Variants in HECW2 observed in about 807,000 individuals in gnomAD.
HECW2 encodes HECT, C2 and WW domain containing E3 ubiquitin protein ligase 2, also known as E3 ubiquitin-protein ligase HECW2.
A neutral mutation model predicts 175.2 loss-of-function variants in HECW2; 61 were observed. The ratio of observed to expected loss-of-function variants is 0.35; its 90% CI spans 0.28 to 0.43. HECW2 has a LOEUF of 0.43. Ranked by LOEUF, HECW2 falls within the 20% of genes least tolerant of loss-of-function variation. The probability of loss-of-function intolerance (pLI) is 1.00; values close to 1 mark genes in which losing one functional copy is unlikely to be tolerated. For synonymous variants in HECW2, 671 were observed against 731.0 expected (o/e 0.92, Z 1.32); for missense variants, 1,524 against 2,000.5 (o/e 0.76, Z 4.54).
At chr2:196,402,803 A>ATTTTTT (rs369586280) in intron 2 of HECW2, among the ~76,000 whole-genome samples, 2 of 123,620 alleles carry the variant, frequency 1.6e-5, no homozygotes, top group South Asian at 2.6e-4. Context: ...TGCCTTGGGA[A>ATTTTTT]TTTTTTTTTT....
At chr2:196,430,781 G>A (rs1489465448) in intron 2 of HECW2, among the ~76,000 whole-genome samples, 1 of 151,964 alleles carries the variant, frequency 6.6e-6, no homozygotes, top group African/African-American at 2.4e-5. Context: ...ATGAACGAGA[G>A]CCTCGGGGCC....
At chr2:196,322,934 C>G (rs1320428138) in intron 6 of HECW2, among the ~76,000 whole-genome samples, 1 of 152,192 alleles carries the variant, frequency 6.6e-6, no homozygotes, top group Non-Finnish European at 1.5e-5. Context: ...TTTTAGTACT[C>G]CCTACATTTA....
At chr2:196,575,162 G>A (rs1690520452) in intron 1 of HECW2, among the ~76,000 whole-genome samples, 1 of 145,856 alleles carries the variant, frequency 6.9e-6, no homozygotes, top group Non-Finnish European at 1.5e-5. Flanking sequence ...GCCAACGTAT[G>A]TATGAAAAAA....
intron 2 of HECW2, among the ~76,000 whole-genome samples, chr2:196,405,771 A>G (rs1267167066): frequency 6.6e-6 from 1 of 151,998 alleles, no homozygotes; most frequent in African/African-American, 2.4e-5. Flanking sequence ...CTTCACAGCA[A>G]ACTTCTTAAG....
chr2:196,593,065 G>T (rs1189718677), intron 1 of HECW2, among the ~76,000 whole-genome samples: 1 of 151,352 alleles, frequency 6.6e-6, no homozygotes, highest in African/African-American at 2.4e-5. Context: ...GCCCCTCAGC[G>T]GCTCTTCCCG....
At chr2:196,537,406 C>T (rs1049753406) in intron 1 of HECW2, among the ~76,000 whole-genome samples, 2 of 152,066 alleles carry the variant, frequency 1.3e-5, no homozygotes, top group African/African-American at 2.4e-5. Context: ...ACATTCAAAA[C>T]GTTTCCAATT....
chr2:196,363,549 G>GA (rs1164712681), intron 2 of HECW2, among the ~76,000 whole-genome samples: 1 of 152,192 alleles, frequency 6.6e-6, no homozygotes. Context: ...AATAAATCTA[G>GA]GCCAGGAACC....
At chr2:196,576,929 A>T (rs1005328942) in intron 1 of HECW2, among the ~76,000 whole-genome samples, 4 of 152,214 alleles carry the variant, frequency 2.6e-5, no homozygotes, top group Admixed American at 6.5e-5. Context: ...TCATCAGTCA[A>T]TCCAGTTTTC....
intron 1 of HECW2, among the ~76,000 whole-genome samples, chr2:196,578,066 T>C (rs142138420): frequency 8.5e-5 from 13 of 152,268 alleles, no homozygotes; most frequent in Non-Finnish European, 1.5e-4. Context: ...AGACTTTACA[T>C]AGGCTATGTA....
intron 1 of HECW2, among the ~76,000 whole-genome samples, chr2:196,520,393 T>C (rs968419708): frequency 2.0e-5 from 3 of 152,152 alleles, no homozygotes; most frequent in African/African-American, 7.2e-5. Context: ...CAACCCTACG[T>C]AGTTAACAAA....
At chr2:196,523,383 A>G (rs550038218) in intron 1 of HECW2, among the ~76,000 whole-genome samples, 1,935 of 151,906 alleles carry the variant, frequency 0.013, 42 homozygotes, top group African/African-American at 0.044. Context: ...GGGCTGAGAC[A>G]ATGGGGTTTT....
rs532306847 is a variant in HECW2 at position 196,521,668 on chromosome 2, T to C, written c.-36+71840A>G. On this transcript the variant is annotated intron_variant, in intron 1 of 28. Coordinates refer to ENST00000644978, the MANE Select transcript of HECW2 (RefSeq NM_001348768.2). Reference sequence around the variant, plus strand: ...CCACCACAGTCCCCAGAGTTTGATATTCCCCTTCCTGTGTCCATGTGATCT... The same window carrying C: ...CCACCACAGTCCCCAGAGTTTGATACTCCCCTTCCTGTGTCCATGTGATCT... 2.2e-5 allele frequency among the ~76,000 whole-genome samples: 3 copies of C among 136,540 alleles called. No homozygotes were observed. In the South Asian group the frequency reaches 7.6e-4, roughly 35 times the overall value. 89.6% of individuals were successfully genotyped at this position (136,540 alleles called of 152,430 possible).
chr2:196,481,680 T>C (rs1032903973), intron 1 of HECW2, among the ~76,000 whole-genome samples: 6 of 152,208 alleles, frequency 3.9e-5, no homozygotes, highest in Non-Finnish European at 8.8e-5. Flanking sequence ...GTGAGTTTAA[T>C]TTACAATAAA....
chr2:196,538,480 A>C (rs79832272), intron 1 of HECW2, among the ~76,000 whole-genome samples: 1,833 of 152,274 alleles, frequency 0.012, 40 homozygotes, highest in African/African-American at 0.042. Flanking sequence ...CAGTCCTCAG[A>C]GAGGTTTTGG....
chr2:196,587,094 C>T (rs79249479), intron 1 of HECW2, among the ~76,000 whole-genome samples: 12,509 of 152,244 alleles, frequency 0.082, 587 homozygotes, highest in Non-Finnish European at 0.1. Flanking sequence ...TATTTTGCTA[C>T]AAGGATCCTT....
chr2:196,208,990 T>C (rs755217348), intron 28 of HECW2, among the ~76,000 whole-genome samples: 15 of 152,172 alleles, frequency 9.9e-5, no homozygotes, highest in Non-Finnish European at 2.2e-4. Flanking sequence ...TAGCCAGCAG[T>C]CTACTGCAGT....
At chr2:196,202,411 T>G (rs1350596647) in intron 28 of HECW2, among the ~76,000 whole-genome samples, 1 of 152,154 alleles carries the variant, frequency 6.6e-6, no homozygotes, top group Non-Finnish European at 1.5e-5. Flanking sequence ...TATTTGGGTT[T>G]GGATTCTAGC....
intron 2 of HECW2, among the ~76,000 whole-genome samples, chr2:196,376,999 G>A (rs1694069543): frequency 6.6e-6 from 1 of 151,964 alleles, no homozygotes; most frequent in African/African-American, 2.4e-5. Context: ...TTCCTTGGGG[G>A]AAAAAACATA....
chr2:196,231,092 C>A (rs1287589380), intron 21 of HECW2, among the ~76,000 whole-genome samples: 22 of 55,322 alleles, frequency 4.0e-4, no homozygotes, highest in African/African-American at 1.1e-3. Flanking sequence ...GACTCCGTCT[C>A]AAAAAAAAAA....
Sources: gnomAD v4.1 joint callset for allele counts (sites outside exome capture counted in the v4.1 genomes callset) on GRCh38, gnomAD v4.1.1 for gene constraint, MANE v1.5 for transcripts, NCBI Gene and HGNC (gene_info 2026-07-23, HGNC 2026-07-21) for gene names.